The following SH2D1A variants were observed in gnomAD, a reference collection of about 807,000 sequenced individuals.
SH2D1A encodes SH2 domain containing 1A.
In SH2D1A, 6 loss-of-function variants were observed where a neutral mutation model predicts 10.1. The ratio of observed to expected loss-of-function variants is 0.60; its 90% CI spans 0.33 to 1.18. The LOEUF is 1.18. Among genes scored for constraint, SH2D1A ranks in the 50% most tolerant of loss-of-function variants. The pLI is 0.04. For synonymous variants in SH2D1A, 42 were observed against 36.9 expected (o/e 1.14, Z -0.51); for missense variants, 51 against 97.6 (o/e 0.52, Z 2.01).
intron 1 of SH2D1A, among the ~76,000 whole-genome samples, chrX:124,351,958 T>C (rs1383934845): frequency 9.0e-6 from 1 of 110,986 alleles, no homozygotes; most frequent in East Asian, 2.8e-4. Flanking sequence ...GTATGTTTTC[T>C]AAGTTTGGTG....
intron 1 of SH2D1A, among the ~76,000 whole-genome samples, chrX:124,361,733 T>A (rs1356413590): frequency 8.9e-6 from 1 of 112,190 alleles, no homozygotes; most frequent in Non-Finnish European, 1.9e-5. Flanking sequence ...GTGGAATTTG[T>A]TGAGTAAAAA....
intron 1 of SH2D1A, among the ~76,000 whole-genome samples, chrX:124,363,178 T>C (rs962645973): frequency 9.0e-6 from 1 of 111,726 alleles, no homozygotes; most frequent in Non-Finnish European, 1.9e-5. Context: ...AATATAGATA[T>C]AAACTGAGTA....
rs369322350 is a variant in SH2D1A, at chrX:124,372,992, T to C, written c.*1601T>C. Reference sequence around the variant, plus strand: ...TATATGGCTTGAGTTTAAATTGTAATAGGCGTAACTAATTTTAACTCTATA... The same window carrying C: ...TATATGGCTTGAGTTTAAATTGTAACAGGCGTAACTAATTTTAACTCTATA... On this transcript the variant is annotated 3_prime_UTR_variant, in exon 4 of 4. Coordinates refer to ENST00000371139, the MANE Select transcript of SH2D1A (RefSeq NM_002351.5). The C allele has an allele frequency of 2.9e-4, 45 of 155,611 alleles. No homozygotes were observed. The highest frequency in any genetic ancestry group is 1.2e-3 in the African/African-American group (39 of 32,917). 12.8% of individuals were successfully genotyped at this position (155,611 alleles called of 1,213,427 possible).
chrX:124,346,863 A>G (rs1362971211), intron 1 of SH2D1A, 84 bp downstream of exon 1: 68 of 1,111,038 alleles, frequency 6.1e-5, no homozygotes, highest in Non-Finnish European at 8.4e-5. Flanking sequence ...AGGCCGAGGC[A>G]GGCAGGGGCG....
At chrX:124,363,884 C>G (rs1280867144) in intron 1 of SH2D1A, among the ~76,000 whole-genome samples, 1 of 46,506 alleles carries the variant, frequency 2.2e-5, no homozygotes, top group Non-Finnish European at 3.5e-5. Flanking sequence ...GAGCGAGACT[C>G]TATCTCAAAA....
At chrX:124,361,431 A>G (rs1378235850) in intron 1 of SH2D1A, among the ~76,000 whole-genome samples, 2 of 112,155 alleles carry the variant, frequency 1.8e-5, no homozygotes, top group Non-Finnish European at 3.8e-5. Context: ...GAACAGACCA[A>G]TACAGATTTT....
At chrX:124,349,756 C>T (rs989457025) in intron 1 of SH2D1A, among the ~76,000 whole-genome samples, 1 of 110,080 alleles carries the variant, frequency 9.1e-6, no homozygotes, top group African/African-American at 3.3e-5. Context: ...TTTAGAAAAT[C>T]GAAAATTGAA....
intron 1 of SH2D1A, among the ~76,000 whole-genome samples, chrX:124,364,931 A>G (rs1413959651): frequency 3.6e-5 from 4 of 110,912 alleles, no homozygotes; most frequent in African/African-American, 9.8e-5. Flanking sequence ...CAACAGGTAT[A>G]GCATTCTTTA....
At chrX:124,359,544 G>C (rs925137879) in intron 1 of SH2D1A, among the ~76,000 whole-genome samples, 1 of 111,704 alleles carries the variant, frequency 9.0e-6, no homozygotes, top group African/African-American at 3.3e-5. Flanking sequence ...TCACTTAAAG[G>C]CTTATGTTGA....
intron 1 of SH2D1A, among the ~76,000 whole-genome samples, chrX:124,365,100 T>C (rs985675177): frequency 1.8e-5 from 2 of 111,139 alleles, no homozygotes; most frequent in Non-Finnish European, 3.8e-5. Flanking sequence ...CTAGGTGGTA[T>C]ACCATATAGG....
intron 1 of SH2D1A, among the ~76,000 whole-genome samples, chrX:124,348,568 T>C (rs2059999758): frequency 9.0e-6 from 1 of 111,669 alleles, no homozygotes; most frequent in Non-Finnish European, 1.9e-5. Flanking sequence ...GTCTCCTCCC[T>C]CAGAGAGGAC....
intron 1 of SH2D1A, among the ~76,000 whole-genome samples, chrX:124,355,909 TTG>T (rs2060025090): frequency 9.0e-6 from 1 of 111,495 alleles, no homozygotes; most frequent in South Asian, 3.8e-4. Flanking sequence ...ATTTTTTGTT[TTG>T]TGTGTGTTTT....
At chrX:124,360,370 G>A (rs2060037019) in intron 1 of SH2D1A, among the ~76,000 whole-genome samples, 1 of 100,165 alleles carries the variant, frequency 1.0e-5, no homozygotes, top group Non-Finnish European at 2.0e-5. Context: ...GGGAGGCCTA[G>A]GTGGGAGGAT....
In SH2D1A at chrX:124,371,603, G is replaced by A. The variant is rs5958475; in HGVS notation, c.*212G>A. ...ACGAGGATTGGGAAAAAGTAATTCC[G>A]TAGGTTATTTTCAGTTATTATATTT... On this transcript the variant is annotated 3_prime_UTR_variant, in exon 4 of 4. Coordinates refer to ENST00000371139, the MANE Select transcript of SH2D1A (RefSeq NM_002351.5). The A allele has an allele frequency of 0.029, 7,733 of 270,376 alleles. 574 individuals are homozygous for A. Among genetic ancestry groups the A allele is most frequent in the African/African-American group, 0.2 (6,939 of 34,043 alleles). The allele number at this position is 270,376 out of a possible 1,213,427, so 22.3% of individuals were successfully genotyped here.
intron 1 of SH2D1A, among the ~76,000 whole-genome samples, chrX:124,363,483 A>G (rs770057998): frequency 1.8e-5 from 2 of 111,907 alleles, no homozygotes; most frequent in Admixed American, 1.9e-4. Flanking sequence ...AATGGAGCTG[A>G]AAAATTCCTA....
intron 1 of SH2D1A, among the ~76,000 whole-genome samples, chrX:124,349,782 C>T (rs569853176): frequency 2.7e-5 from 3 of 110,051 alleles, no homozygotes; most frequent in African/African-American, 9.9e-5. Context: ...TCATAAAGCA[C>T]TAAAGGAGTT....
At chrX:124,366,719 T>C (rs1034985372) in intron 2 of SH2D1A, among the ~76,000 whole-genome samples, 2 of 111,289 alleles carry the variant, frequency 1.8e-5, no homozygotes. Context: ...GTAAGGATCA[T>C]TAAAACTATA....
Position 124,373,107 on chromosome X carries a change from AATC to A in SH2D1A, c.*1721_*1723del, listed in dbSNP as rs1477161161. On this transcript the variant is annotated 3_prime_UTR_variant, in exon 4 of 4. Transcript: ENST00000371139. ...TTTTTTTGAAAAAAAGCTTTTTTTGAATCATCAAGTCTTTCACATTTAAATAAA... is the reference window on the plus strand; with the variant it reads ...TTTTTTTGAAAAAAAGCTTTTTTTGAATCAAGTCTTTCACATTTAAATAAA... 2 of 149,145 alleles carry A rather than the reference AATC, an allele frequency of 1.3e-5. No individual in the cohort carries two copies. The highest frequency in any genetic ancestry group is 3.1e-5 in the African/African-American group (1 of 32,418). The allele number at this position is 149,145 out of a possible 1,213,427, so 12.3% of individuals were successfully genotyped here.
At chrX:124,368,149 CTGTTT>C (rs1405467302) in intron 2 of SH2D1A, among the ~76,000 whole-genome samples, 5 of 110,855 alleles carry the variant, frequency 4.5e-5, no homozygotes, top group Non-Finnish European at 9.5e-5. Context: ...TGTTGCTTCT[CTGTTT>C]TGTTTTGTTT....
Sources: allele counts gnomAD v4.1 joint callset (sites outside exome capture counted in the v4.1 genomes callset), GRCh38; gene constraint gnomAD v4.1.1; transcripts MANE v1.5; gene names NCBI Gene and HGNC (gene_info 2026-07-23, HGNC 2026-07-21).